The following BCL2L13 variants were observed in gnomAD, a reference collection of about 807,000 sequenced individuals.
The protein encoded by BCL2L13 is BCL2 like 13, also known as bcl-2-like protein 13.
Under a neutral mutation model 25.8 loss-of-function variants are expected in BCL2L13, and 13 were observed. That is an observed-to-expected ratio of 0.50 (90% CI 0.33 to 0.80). The LOEUF (loss-of-function observed/expected upper bound fraction) is 0.80, where lower values mean the gene tolerates loss of function less well. BCL2L13 is among the 30% of genes least tolerant of loss of function. The probability of loss-of-function intolerance (pLI) is 0.02; values close to 1 mark genes in which losing one functional copy is unlikely to be tolerated. For synonymous variants in BCL2L13, 244 were observed against 230.3 expected, an observed-to-expected ratio of 1.06 and a Z score of -0.54; for missense variants, 504 against 574.9, an observed-to-expected ratio of 0.88 and a Z score of 1.26.
chr22:17,682,928 TCGA>T (rs927406416), intron 2 of BCL2L13, among the ~76,000 whole-genome samples: 11 of 152,118 alleles, frequency 7.2e-5, no homozygotes, highest in African/African-American at 2.7e-4. Context: ...GGTCAGGAGT[TCGA>T]GACCAGCCTG....
intron 5 of BCL2L13, among the ~76,000 whole-genome samples, chr22:17,698,577 A>AAG: frequency 6.7e-6 from 1 of 150,086 alleles, no homozygotes; most frequent in Non-Finnish European, 1.5e-5. Flanking sequence ...AAAAAAAAAA[A>AAG]GCCATACATG....
intron 4 of BCL2L13, among the ~76,000 whole-genome samples, chr22:17,693,425 G>T (rs1290727137): frequency 4.6e-5 from 6 of 131,618 alleles, no homozygotes; most frequent in African/African-American, 8.6e-5. Flanking sequence ...TGTCACCCAG[G>T]CTGGAGTGCA....
In BCL2L13 at chr22:17,683,170, TTCTC is replaced by T. The variant is rs763142904; in HGVS notation, c.122-39_122-36del. ...AAAAGTGCTATTATATTCTAATGGT[TTCTC>T]TCTCCCTCTTTCAATAATAACCTTT... On this transcript the variant is annotated intron_variant, in intron 2 of 6. Coordinates refer to ENST00000317582, the MANE Select transcript of BCL2L13 (RefSeq NM_015367.4). 2.0e-5 allele frequency: 23 copies of T among 1,124,052 alleles called. No individual in the cohort carries two copies. In the African/African-American group the frequency reaches 2.2e-4, roughly 11 times the overall value. 69.6% of individuals were successfully genotyped at this position (1,124,052 alleles called of 1,614,324 possible). A position where few individuals can be genotyped will look rare whatever the true frequency, so the allele number is the denominator to read the frequency against.
At chr22:17,633,599 ACT>A (rs2058062898), upstream of BCL2L13, among the ~76,000 whole-genome samples, 1 of 152,190 alleles carries the variant, frequency 6.6e-6, no homozygotes, top group Non-Finnish European at 1.5e-5. Flanking sequence ...TTTACTAGAT[ACT>A]GAATCAGCAG....
intron 6 of BCL2L13, among the ~76,000 whole-genome samples, chr22:17,721,452 C>G (rs2098174): frequency 0.86 from 130,353 of 151,246 alleles, 56,345 homozygotes; most frequent in East Asian, 0.94. Context: ...AGGGCTTCAG[C>G]GTGGTTAAAA....
At chr22:17,631,685 T>C (rs2058024165) in intron 1 of BCL2L13, among the ~76,000 whole-genome samples, 1 of 40,218 alleles carries the variant, frequency 2.5e-5, no homozygotes, top group Non-Finnish European at 5.4e-5. Flanking sequence ...TATATATATA[T>C]ATATATATAT....
intron 2 of BCL2L13, among the ~76,000 whole-genome samples, chr22:17,680,482 C>T (rs1243362224): frequency 7.4e-6 from 1 of 134,636 alleles, no homozygotes; most frequent in East Asian, 2.3e-4. Flanking sequence ...GCACTGCACT[C>T]CAGCCTGGGA....
At chr22:17,714,141 AAGTT>A (rs1224843425) in intron 6 of BCL2L13, among the ~76,000 whole-genome samples, 1 of 151,958 alleles carries the variant, frequency 6.6e-6, no homozygotes. Context: ...AAAATACAAA[AAGTT>A]AGCCGGGCGT....
intron 2 of BCL2L13, among the ~76,000 whole-genome samples, chr22:17,666,487 C>G (rs1200125735): frequency 6.6e-6 from 1 of 151,964 alleles, no homozygotes; most frequent in African/African-American, 2.4e-5. Flanking sequence ...CCTGCTGTCC[C>G]CAGACCCCCA....
chr22:17,711,541 G>A (rs1411405072), intron 6 of BCL2L13, among the ~76,000 whole-genome samples: 3 of 152,036 alleles, frequency 2.0e-5, no homozygotes, highest in Non-Finnish European at 4.4e-5. Flanking sequence ...TCAAGTGATT[G>A]CCTGCCTCTG....
At chr22:17,710,925 T>G (rs2060739755) in intron 6 of BCL2L13, among the ~76,000 whole-genome samples, 1 of 152,154 alleles carries the variant, frequency 6.6e-6, no homozygotes, top group South Asian at 2.1e-4. Context: ...TGAATTGGCT[T>G]TTAAACAATA....
Position 17,722,289 on chromosome 22 carries a change from C to T in BCL2L13, c.601-4388C>T, listed in dbSNP as rs116654206. Reference sequence around the variant, plus strand: ...TGTCATCCAGGCTGGACTACAGTGGCACGATCATAGCTCAGTGCAGACTCA... The same window carrying T: ...TGTCATCCAGGCTGGACTACAGTGGTACGATCATAGCTCAGTGCAGACTCA... On this transcript the variant is annotated intron_variant, in intron 6 of 6. Transcript: ENST00000317582. Among the ~76,000 whole-genome samples, 458 of 151,904 alleles carry T rather than the reference C, an allele frequency of 3.0e-3. 5 individuals are homozygous for T. Among genetic ancestry groups the T allele is most frequent in the African/African-American group, 0.01 (423 of 41,400 alleles).
chr22:17,701,367 C>T (rs1419818037), intron 5 of BCL2L13, among the ~76,000 whole-genome samples: 1 of 152,068 alleles, frequency 6.6e-6, no homozygotes, highest in Non-Finnish European at 1.5e-5. Context: ...CACCTAGTTC[C>T]CTTCCTTTTA....
chr22:17,681,580 A>G (rs750627688), intron 2 of BCL2L13, among the ~76,000 whole-genome samples: 2 of 152,054 alleles, frequency 1.3e-5, no homozygotes, highest in Non-Finnish European at 2.9e-5. Flanking sequence ...GGGTCCATGA[A>G]TGCCCTAAAA....
At chr22:17,631,670 G>GTGTATATATATATATATATATATATA (rs1203626385) in intron 1 of BCL2L13, among the ~76,000 whole-genome samples, 1 of 26,892 alleles carries the variant, frequency 3.7e-5, no homozygotes, top group Non-Finnish European at 6.8e-5. Flanking sequence ...GTGTGTGTGT[G>GTGTATATATATATATATATATATATA]TATATATATA....
chr22:17,644,959 G>A (rs9604781), intron 1 of BCL2L13, among the ~76,000 whole-genome samples: 13,546 of 146,856 alleles, frequency 0.092, 842 homozygotes, highest in Middle Eastern at 0.2. Context: ...ATAGGCACAC[G>A]CCACCATGCC....
At chr22:17,655,273 C>A (rs991312266) in intron 1 of BCL2L13, among the ~76,000 whole-genome samples, 1 of 151,202 alleles carries the variant, frequency 6.6e-6, no homozygotes, top group Non-Finnish European at 1.5e-5. Context: ...TCCTGGAGGA[C>A]CACCTGCCCT....
intron 6 of BCL2L13, among the ~76,000 whole-genome samples, chr22:17,709,462 G>A (rs912663561): frequency 1.3e-5 from 2 of 151,790 alleles, no homozygotes; most frequent in Admixed American, 6.6e-5. Flanking sequence ...AGGCATGGTC[G>A]TGCATGCCTG....
chr22:17,685,764 T>TTTTC (rs1241842546), intron 3 of BCL2L13, among the ~76,000 whole-genome samples: 15 of 93,000 alleles, frequency 1.6e-4, no homozygotes, highest in African/African-American at 7.1e-4. Context: ...CTTTTTCTTT[T>TTTTC]TTTTTTTTTT....
Sources: allele counts gnomAD v4.1 joint callset (sites outside exome capture counted in the v4.1 genomes callset), GRCh38; gene constraint gnomAD v4.1.1; transcripts MANE v1.5; gene names NCBI Gene and HGNC (gene_info 2026-07-23, HGNC 2026-07-21).